The following PKIA variants were observed in gnomAD, a reference collection of about 807,000 sequenced individuals.
The protein encoded by PKIA is PKI-alpha.
PKIA carries 4 observed loss-of-function variants against 7.6 expected under a neutral mutation model. The ratio of observed to expected loss-of-function variants is 0.52; its 90% CI spans 0.26 to 1.20. PKIA has a LOEUF of 1.20. PKIA is among the 50% of genes most tolerant of loss of function. The pLI is 0.13. For missense variants in PKIA, 73 were observed against 86.2 expected, an observed-to-expected ratio of 0.85 and a Z score of 0.61; for synonymous variants, 21 against 30.7, an observed-to-expected ratio of 0.68 and a Z score of 1.04.
At chr8:78,567,613 TCTCTTTCTGTATTATA>T (rs1175662820) in intron 1 of PKIA, among the ~76,000 whole-genome samples, 4 of 152,076 alleles carry the variant, frequency 2.6e-5, no homozygotes, top group Non-Finnish European at 5.9e-5. Context: ...ACTCTTTCTT[TCTCTTTCTGTATTATA>T]CTCTGGAAGG....
intron 1 of PKIA, among the ~76,000 whole-genome samples, chr8:78,562,406 C>A (rs548362734): frequency 6.6e-6 from 1 of 152,282 alleles, no homozygotes; most frequent in South Asian, 2.1e-4. Flanking sequence ...GCATATGATA[C>A]ATTTGTCCTG....
intron 3 of PKIA, among the ~76,000 whole-genome samples, chr8:78,601,170 C>T (rs1178567546): frequency 1.3e-5 from 2 of 151,950 alleles, no homozygotes; most frequent in East Asian, 3.9e-4. Context: ...AAGGGCAGAC[C>T]AGAGGCCATT....
At chr8:78,524,916 C>T (rs1162240724) in intron 1 of PKIA, among the ~76,000 whole-genome samples, 1 of 151,836 alleles carries the variant, frequency 6.6e-6, no homozygotes, top group Non-Finnish European at 1.5e-5. Context: ...ACAAAATGAA[C>T]TAATACCATT....
intron 1 of PKIA, among the ~76,000 whole-genome samples, chr8:78,550,546 C>G (rs1204602125): frequency 6.6e-6 from 1 of 152,022 alleles, no homozygotes; most frequent in African/African-American, 2.4e-5. Flanking sequence ...TCAATCCAAA[C>G]CTGGAACACA....
At chr8:78,550,660 T>G (rs1806959570) in intron 1 of PKIA, among the ~76,000 whole-genome samples, 1 of 152,068 alleles carries the variant, frequency 6.6e-6, no homozygotes. Context: ...TTTATTTATG[T>G]TTTTTTAATT....
chr8:78,562,323 AC>A (rs1807305258), intron 1 of PKIA, among the ~76,000 whole-genome samples: 1 of 152,138 alleles, frequency 6.6e-6, no homozygotes, highest in Non-Finnish European at 1.5e-5. Flanking sequence ...TTAAGCCCAC[AC>A]TTCATAGAGT....
rs1163099480 is a variant in PKIA at position 78,602,458 on chromosome 8, T to C, written c.*637T>C. 1 of 152,440 alleles carries C rather than the reference T, an allele frequency of 6.6e-6. No homozygotes were observed. Among genetic ancestry groups the C allele is most frequent in the East Asian group, 1.9e-4 (1 of 5,186 alleles). The allele number at this position is 152,440 out of a possible 1,614,324, so 9.4% of individuals were successfully genotyped here. On this transcript the variant is annotated 3_prime_UTR_variant, in exon 4 of 4. Transcript: ENST00000396418. ...ATTTTAGTTTTCCATACTGTGGTGG[T>C]GTACACAGGATAGAACACCCTTTTT...
chr8:78,576,958 A>AAAGAAAATGTGGTACATATACACCATGG (rs1458865878), intron 2 of PKIA, among the ~76,000 whole-genome samples: 4 of 152,024 alleles, frequency 2.6e-5, no homozygotes, highest in Non-Finnish European at 5.9e-5. Context: ...TAGACTGGAT[A>AAAGAAAATGTGGTACATATACACCATGG]AAGAAAATGT....
In PKIA at chr8:78,522,600, AGT is replaced by A. The variant is rs1385614804; in HGVS notation, c.-157+6133_-157+6134del. Among the ~76,000 whole-genome samples, 4 of 151,992 alleles carry A rather than the reference AGT, an allele frequency of 2.6e-5. No homozygotes were observed. In the East Asian group the frequency reaches 7.7e-4, roughly 29 times the overall value. On this transcript the variant is annotated intron_variant, in intron 1 of 3. Coordinates refer to ENST00000396418, the MANE Select transcript of PKIA (RefSeq NM_006823.4). ...AAATATTCTCTCTTTTTTCATTTCCAGTTCATGGAGGAAAAATGCTATACACA... is the reference window on the plus strand; with the variant it reads ...AAATATTCTCTCTTTTTTCATTTCCATCATGGAGGAAAAATGCTATACACA...
At chr8:78,531,150 C>T (rs1806378692) in intron 1 of PKIA, among the ~76,000 whole-genome samples, 1 of 152,046 alleles carries the variant, frequency 6.6e-6, no homozygotes. Context: ...TATGAATTTT[C>T]AGCGGAGTTT....
At chr8:78,566,421 A>G (rs1036542208) in intron 1 of PKIA, among the ~76,000 whole-genome samples, 1 of 152,080 alleles carries the variant, frequency 6.6e-6, no homozygotes, top group African/African-American at 2.4e-5. Flanking sequence ...AAATCTAGCT[A>G]CAAAGCTATA....
chr8:78,598,414 T>C lies in PKIA; in HGVS notation c.30T>C (p.Asp10=). The stretch of plus-strand genomic sequence containing the variant: ...CTGATGTGGAAACTACATATGCAGA[T>C]TTTATTGCTTCAGGAAGAACAGGTA... The part of the protein sequence containing the change: MTDVETTYA[D]FIASGRTGRR... The change falls in exon 3 of 4, where the codon GAT becomes GAC. Residue 10 remains aspartate (D), a synonymous_variant. Coordinates refer to ENST00000396418, the MANE Select transcript of PKIA (RefSeq NM_006823.4). 1 of 1,612,038 alleles carries C rather than the reference T, an allele frequency of 6.2e-7. No individual in the cohort carries two copies. Among genetic ancestry groups the C allele is most frequent in the Non-Finnish European group, 8.5e-7 (1 of 1,178,570 alleles).
chr8:78,562,632 C>T (rs1807311900), intron 1 of PKIA, among the ~76,000 whole-genome samples: 1 of 152,066 alleles, frequency 6.6e-6, no homozygotes, highest in African/African-American at 2.4e-5. Flanking sequence ...ATCAGTTTCC[C>T]TCTAATCATT....
intron 1 of PKIA, among the ~76,000 whole-genome samples, chr8:78,562,831 C>A (rs1807316204): frequency 1.3e-5 from 2 of 151,812 alleles, no homozygotes; most frequent in African/African-American, 2.4e-5. Flanking sequence ...CATTCACCAC[C>A]AAATCTTCCA....
chr8:78,561,646 A>G (rs1443306286), intron 1 of PKIA, among the ~76,000 whole-genome samples: 1 of 152,176 alleles, frequency 6.6e-6, no homozygotes, highest in African/African-American at 2.4e-5. Context: ...TGTAGTCAGT[A>G]GAGCACAGTG....
chr8:78,539,857 G>C (rs777777826), intron 1 of PKIA, among the ~76,000 whole-genome samples: 7 of 151,940 alleles, frequency 4.6e-5, no homozygotes, highest in African/African-American at 1.2e-4. Flanking sequence ...TGAATGTGAA[G>C]ATTTCTCTAA....
At chr8:78,594,149 A>G (rs1329402910) in intron 2 of PKIA, among the ~76,000 whole-genome samples, 1 of 152,196 alleles carries the variant, frequency 6.6e-6, no homozygotes, top group African/African-American at 2.4e-5. Flanking sequence ...AAACCTTTAG[A>G]TCGCTACCTG....
chr8:78,548,251 A>G (rs2118453493), intron 1 of PKIA, among the ~76,000 whole-genome samples: 1 of 152,242 alleles, frequency 6.6e-6, no homozygotes, highest in South Asian at 2.1e-4. Context: ...CAATTAGGGA[A>G]TATGTGAGTG....
At chr8:78,586,905 G>A (rs536922121) in intron 2 of PKIA, among the ~76,000 whole-genome samples, 1 of 152,146 alleles carries the variant, frequency 6.6e-6, no homozygotes, top group African/African-American at 2.4e-5. Flanking sequence ...GAGTTGTTAA[G>A]AAATTTAAAT....
Sources: allele counts gnomAD v4.1 joint callset (sites outside exome capture counted in the v4.1 genomes callset), GRCh38; gene constraint gnomAD v4.1.1; transcripts MANE v1.5; gene names NCBI Gene and HGNC (gene_info 2026-07-23, HGNC 2026-07-21).